The following MAP3K9 variants were observed in gnomAD, a reference collection of about 807,000 sequenced individuals.
The protein encoded by MAP3K9 is mixed lineage kinase 1 (tyr and ser/thr specificity).
A neutral mutation model predicts 95.8 loss-of-function variants in MAP3K9; 46 were observed. That is an observed-to-expected ratio of 0.48 (90% CI 0.38 to 0.61). MAP3K9 has a LOEUF of 0.61. Ranked by LOEUF, MAP3K9 falls within the 20% of genes least tolerant of loss-of-function variation. The pLI is 0.00. For missense variants in MAP3K9, 1,296 were observed against 1,474.3 expected (o/e 0.88, Z 1.98); for synonymous variants, 533 against 593.8 (o/e 0.90, Z 1.49).
chr14:70,743,458 A>G (rs2054103873), intron 5 of MAP3K9, among the ~76,000 whole-genome samples: 1 of 152,130 alleles, frequency 6.6e-6, no homozygotes, highest in Non-Finnish European at 1.5e-5. Context: ...CAATCTATCC[A>G]TCTGACAAAG....
At chr14:70,755,098 G>A (rs1312117669) in intron 3 of MAP3K9, among the ~76,000 whole-genome samples, 6 of 152,240 alleles carry the variant, frequency 3.9e-5, no homozygotes, top group Non-Finnish European at 8.8e-5. Flanking sequence ...CAGAGGCGCA[G>A]AGGCCCCCAG....
intron 3 of MAP3K9, among the ~76,000 whole-genome samples, chr14:70,754,003 C>G (rs1033254696): frequency 6.6e-6 from 1 of 152,156 alleles, no homozygotes; most frequent in Non-Finnish European, 1.5e-5. Context: ...ACCAGTCTCC[C>G]TTGAATGAGG....
chr14:70,794,999 T>A (rs1331540505), intron 2 of MAP3K9, among the ~76,000 whole-genome samples: 4 of 134,062 alleles, frequency 3.0e-5, no homozygotes, highest in African/African-American at 2.8e-5. Flanking sequence ...CCTTTTTTTT[T>A]TTTTTTTTTT....
rs186877706 is a variant in MAP3K9, at chr14:70,759,273, C to T, written c.1001+1729G>A. Among the ~76,000 whole-genome samples the T allele has an allele frequency of 9.2e-5, 14 of 152,006 alleles. No homozygotes were observed. The East Asian group carries it at 2.7e-3, about 30-fold the overall frequency. ...CAGCCTGGTCAACATGGTGAAATCC[C>T]GTCTCTACTAAAAATATAAAAATTA... On this transcript the variant is annotated intron_variant, in intron 3 of 11. Transcript: ENST00000554752.
chr14:70,788,971 C>A (rs2054777975), intron 2 of MAP3K9, among the ~76,000 whole-genome samples: 1 of 152,168 alleles, frequency 6.6e-6, no homozygotes, highest in South Asian at 2.1e-4. Context: ...GTGAAAAAAG[C>A]AGACTAATGC....
intron 2 of MAP3K9, among the ~76,000 whole-genome samples, chr14:70,791,936 G>A (rs1012839703): frequency 2.0e-5 from 3 of 152,166 alleles, no homozygotes; most frequent in Non-Finnish European, 4.4e-5. Flanking sequence ...GCAGGAGATG[G>A]CCACAAAGGC....
chr14:70,801,154 G>A, intron 1 of MAP3K9, 74 bp from the exon 2 acceptor site: 1 of 1,405,950 alleles, frequency 7.1e-7, no homozygotes, highest in East Asian at 2.4e-5. Flanking sequence ...TCATTTACCT[G>A]AGTGGGTAAA....
intron 2 of MAP3K9, among the ~76,000 whole-genome samples, chr14:70,790,462 G>A (rs1206903234): frequency 1.3e-5 from 2 of 152,162 alleles, no homozygotes; most frequent in Non-Finnish European, 2.9e-5. Flanking sequence ...GATCACAGAC[G>A]TGCCCAAGGC....
Position 70,809,324 on chromosome 14 carries a change from C to G in MAP3K9, c.-153G>C, listed in dbSNP as rs1207584473. 4 of 1,005,056 alleles carry G rather than the reference C, an allele frequency of 4.0e-6. No homozygotes were observed. Among genetic ancestry groups the G allele is most frequent in the Non-Finnish European group, 5.1e-6 (4 of 780,928 alleles). 62.3% of individuals were successfully genotyped at this position (1,005,056 alleles called of 1,614,324 possible). A position where few individuals can be genotyped will look rare whatever the true frequency, so the allele number is the denominator to read the frequency against. ...GCTGGCAGGGCTGGGAGAGCCGGCT[C>G]GCCGGCGCTGTTACCGCGGTACGAG... On this transcript the variant is annotated 5_prime_UTR_variant, in exon 1 of 12. Transcript: ENST00000554752.
At chr14:70,797,871 T>G (rs1488111593) in intron 2 of MAP3K9, among the ~76,000 whole-genome samples, 1 of 152,198 alleles carries the variant, frequency 6.6e-6, no homozygotes, top group Non-Finnish European at 1.5e-5. Context: ...AACGTCAAAG[T>G]GCTACCCCAC....
In MAP3K9 at chr14:70,736,101, C is replaced by G; in HGVS notation, c.1845-72G>C. Reference sequence around the variant, plus strand: ...CAGCTCAGCCTCTCCCACACCAAAACACCCAAGGCTGGATTCACACCACAT... The same window carrying G: ...CAGCTCAGCCTCTCCCACACCAAAAGACCCAAGGCTGGATTCACACCACAT... On this transcript the variant is annotated intron_variant, in intron 8 of 11. Coordinates refer to ENST00000554752, the MANE Select transcript of MAP3K9 (RefSeq NM_001284230.2). 4.0e-6 allele frequency: 4 copies of G among 988,010 alleles called. No homozygotes were observed. The East Asian group carries it at 9.6e-5, about 24-fold the overall frequency. 61.2% of individuals were successfully genotyped at this position (988,010 alleles called of 1,614,324 possible).
intron 1 of MAP3K9, among the ~76,000 whole-genome samples, chr14:70,803,442 A>G (rs1273699837): frequency 6.6e-6 from 1 of 151,890 alleles, no homozygotes; most frequent in Non-Finnish European, 1.5e-5. Flanking sequence ...AAGAAAACAA[A>G]GATACATTTC....
At position 70,732,747 on chromosome 14, in the gene MAP3K9, T is replaced by C; in HGVS notation, c.2622A>G (p.Pro874=). The C allele has an allele frequency of 1.2e-6, 2 of 1,610,068 alleles. No homozygotes were observed. Among genetic ancestry groups the C allele is most frequent in the Non-Finnish European group, 1.7e-6 (2 of 1,177,252 alleles). ...CATTGACCAGGGGGTTGTGGGTACATGGACTCAGGGGAGGGGCCTCGACTG... is the reference window on the plus strand; with the variant it reads ...CATTGACCAGGGGGTTGTGGGTACACGGACTCAGGGGAGGGGCCTCGACTG... ...VSPVEAPPLS[P]CTHNPLVNVR... The change falls in exon 11 of 12, where the codon CCA becomes CCG. Residue 874 remains proline (P), a synonymous_variant. Transcript: ENST00000554752.
At position 70,748,452 on chromosome 14, in the gene MAP3K9, T is replaced by C. The variant is rs151082588; in HGVS notation, c.1326+377A>G. Among the ~76,000 whole-genome samples the C allele has an allele frequency of 1.4e-3, 219 of 152,350 alleles. 1 individual carries two copies. Among genetic ancestry groups the C allele is most frequent in the African/African-American group, 5.1e-3 (212 of 41,570 alleles). On this transcript the variant is annotated intron_variant, in intron 5 of 11. Coordinates refer to ENST00000554752, the MANE Select transcript of MAP3K9 (RefSeq NM_001284230.2). ...CCATATTCTATTTCTGATTCTGATG[T>C]CAAAAGACATGGGAAGGATGTTCTG...
intron 2 of MAP3K9, among the ~76,000 whole-genome samples, chr14:70,764,926 A>C (rs1025304067): frequency 6.6e-6 from 1 of 152,244 alleles, no homozygotes; most frequent in African/African-American, 2.4e-5. Context: ...AAAGCTGTAC[A>C]GTGTGTTTAT....
chr14:70,739,782 A>G (rs1045824128), intron 7 of MAP3K9: 6 of 1,165,260 alleles, frequency 5.1e-6, no homozygotes, highest in Non-Finnish European at 7.1e-6. Flanking sequence ...TTTGCAAACC[A>G]CTAAAGATCC....
In MAP3K9 at chr14:70,800,943, T is replaced by C; in HGVS notation, c.544A>G (p.Ser182Gly). 6.2e-7 allele frequency: 1 copy of C among 1,614,230 alleles called. No individual in the cohort carries two copies. The highest frequency in any genetic ancestry group is 1.7e-5 in the Admixed American group (1 of 60,028). Residue 182 changes from serine (S) to glycine (G), a missense_variant, in exon 2 of 12, where the codon AGC becomes GGC. Transcript: ENST00000554752. ...TGGCGAACATTCTCTATGGTCTGGC[T>C]GATGTCCTCATCAGGGTCGTGGCGA... ...AARHDPDEDI[S>G]QTIENVRQEA...
Position 70,742,369 on chromosome 14 carries a change from G to A in MAP3K9, c.1549C>T (p.Arg517Cys), listed in dbSNP as rs147037059. The A allele has an allele frequency of 9.9e-6, 16 of 1,614,006 alleles. No individual in the cohort carries two copies. The highest frequency in any genetic ancestry group is 5.3e-5 in the African/African-American group (4 of 74,900). Reference sequence around the variant, plus strand: ...CACTGACCAGAAGGGAGGCTGATGCGGTTGCCATCCTTGAGCTTCAGCCGG... The same window carrying A: ...CACTGACCAGAAGGGAGGCTGATGCAGTTGCCATCCTTGAGCTTCAGCCGG... ...KSRLKLKDGNRISLPSDFQHK... is the reference protein window; with the variant it reads ...KSRLKLKDGNCISLPSDFQHK... The change falls in exon 6 of 12, where the codon CGC becomes TGC. Residue 517 changes from arginine to cysteine, a missense_variant. Around this residue, in one of 5 missense-constraint regions of MAP3K9, gnomAD observed 377 missense variants for 417.1 expected, o/e 0.90. Transcript: ENST00000554752.
intron 2 of MAP3K9, among the ~76,000 whole-genome samples, chr14:70,765,177 A>C (rs1253525778): frequency 2.0e-5 from 3 of 152,036 alleles, no homozygotes; most frequent in Non-Finnish European, 4.4e-5. Context: ...AAAAATACAT[A>C]AAATTAGCTG....
Sources: allele counts gnomAD v4.1 joint callset (sites outside exome capture counted in the v4.1 genomes callset), GRCh38; gene constraint gnomAD v4.1.1; regional missense constraint gnomAD v4.1.1; transcripts MANE v1.5; gene names NCBI Gene and HGNC (gene_info 2026-07-23, HGNC 2026-07-21).